Variants in DNAH9 observed in about 807,000 individuals in gnomAD.
DNAH9 encodes the protein DNAH9 variant protein.
A neutral mutation model predicts 471.6 loss-of-function variants in DNAH9; 345 were observed. That is an observed-to-expected ratio of 0.73 (90% CI 0.67 to 0.80). The LOEUF is 0.80. DNAH9 is among the 30% of genes least tolerant of loss of function. The probability of loss-of-function intolerance (pLI) is 0.00; values close to 1 mark genes in which losing one functional copy is unlikely to be tolerated. For missense variants in DNAH9, 5,407 were observed against 5,609.2 expected (o/e 0.96, Z 1.15); for synonymous variants, 2,093 against 2,123.6 (o/e 0.99, Z 0.40).
intron 23 of DNAH9, among the ~76,000 whole-genome samples, chr17:11,700,463 C>A (rs189914122): frequency 2.6e-5 from 4 of 152,276 alleles, no homozygotes; most frequent in African/African-American, 9.6e-5. Flanking sequence ...ACCCCTTAAG[C>A]CTCCTTCCCA....
rs948526182 is a variant in DNAH9 at position 11,744,720 on chromosome 17, A to G, written c.6112-77A>G. 20 of 1,250,232 alleles carry G rather than the reference A, an allele frequency of 1.6e-5. No homozygotes were observed. The South Asian group carries it at 2.5e-4, about 16-fold the overall frequency. The allele number at this position is 1,250,232 out of a possible 1,614,324, so 77.4% of individuals were successfully genotyped here. ...AGAGGTGACCTAATGCTCATAGCAT[A>G]TCTATGATTCTGCAGACACTCACCC... On this transcript the variant is annotated intron_variant, in intron 30 of 68. Transcript: ENST00000262442.
At chr17:11,808,342 T>G (rs1395819409) in intron 44 of DNAH9, among the ~76,000 whole-genome samples, 4 of 152,192 alleles carry the variant, frequency 2.6e-5, no homozygotes, top group Non-Finnish European at 5.9e-5. Flanking sequence ...GGAGGCTGGA[T>G]GAGTACTCTG....
chr17:11,809,089 C>T (rs1969794671), intron 44 of DNAH9, among the ~76,000 whole-genome samples: 1 of 152,098 alleles, frequency 6.6e-6, no homozygotes, highest in Admixed American at 6.5e-5. Context: ...GGTTGATACA[C>T]CAAAGGAACT....
intron 31 of DNAH9, among the ~76,000 whole-genome samples, chr17:11,745,693 CCAT>C (rs2075513852): frequency 6.6e-6 from 1 of 152,096 alleles, no homozygotes; most frequent in Non-Finnish European, 1.5e-5. Flanking sequence ...AAAATGATAT[CCAT>C]CAAACAAGAA....
chr17:11,727,949 T>G, intron 28 of DNAH9, 27 bp downstream of exon 28: 1 of 1,451,340 alleles, frequency 6.9e-7, no homozygotes, highest in Non-Finnish European at 9.7e-7. Flanking sequence ...GGTGGGAGCC[T>G]TGTGGTCTTC....
chr17:11,663,432 A>G (rs1231507368), intron 14 of DNAH9, among the ~76,000 whole-genome samples: 1 of 152,186 alleles, frequency 6.6e-6, no homozygotes, highest in Non-Finnish European at 1.5e-5. Context: ...GTAGAAAGCC[A>G]GGTGGTGGTG....
chr17:11,746,342 A>G lies in DNAH9; in HGVS notation c.6400-1214A>G, dbSNP rs146124165. Among the ~76,000 whole-genome samples, 161 of 152,294 alleles carry G rather than the reference A, an allele frequency of 1.1e-3. 2 individuals carry two copies. In the East Asian group the frequency reaches 0.031, roughly 29 times the overall value. ...GTGGAGGGGAAATAAAGAGCTGCAG[A>G]CACCCTTTGTCTTCCTTGCACAGTG... On this transcript the variant is annotated intron_variant, in intron 31 of 68. Coordinates refer to ENST00000262442, the MANE Select transcript of DNAH9 (RefSeq NM_001372.4).
chr17:11,838,032 A>G (rs756970528), intron 49 of DNAH9, among the ~76,000 whole-genome samples: 37 of 152,268 alleles, frequency 2.4e-4, no homozygotes, highest in Non-Finnish European at 5.0e-4. Context: ...ATTAAGATAT[A>G]CAAGAAAGAA....
chr17:11,771,360 C>T (rs1271546636), intron 38 of DNAH9, among the ~76,000 whole-genome samples: 3 of 152,178 alleles, frequency 2.0e-5, no homozygotes, highest in Non-Finnish European at 4.4e-5. Flanking sequence ...AACTCCTGAC[C>T]TCAGGTGATC....
intron 38 of DNAH9, among the ~76,000 whole-genome samples, chr17:11,771,124 C>G (rs1873316083): frequency 1.3e-5 from 2 of 151,842 alleles, no homozygotes; most frequent in African/African-American, 2.4e-5. Flanking sequence ...TTATCTATAC[C>G]TATTTATTTA....
In DNAH9 at chr17:11,834,790, C is replaced by T. The variant is rs912924478; in HGVS notation, c.9399C>T (p.Ala3133=). ...AMADEEEQKV[A]VIMLEVKQKQ... ...CAGATGAAGAGGAGCAGAAGGTGGC[C>T]GTCATCATGCTAGAGGTGAAACAGA... Residue 3133 remains alanine (A), a synonymous_variant, in exon 49 of 69, where the codon GCC becomes GCT. Coordinates refer to ENST00000262442, the MANE Select transcript of DNAH9 (RefSeq NM_001372.4). The T allele has an allele frequency of 6.8e-6, 11 of 1,613,884 alleles. No homozygotes were observed. The highest frequency in any genetic ancestry group is 2.7e-5 in the African/African-American group (2 of 74,882).
At chr17:11,954,626 G>A (rs1279346574) in intron 67 of DNAH9, among the ~76,000 whole-genome samples, 1 of 151,938 alleles carries the variant, frequency 6.6e-6, no homozygotes, top group East Asian at 1.9e-4. Context: ...GATGTTTTCA[G>A]ACAACTGAAA....
intron 22 of DNAH9, 142 bp downstream of exon 22, chr17:11,694,589 A>C: frequency 1.5e-6 from 1 of 686,888 alleles, no homozygotes. Context: ...CAGCATCATC[A>C]CATACCTCGG....
chr17:11,937,270 CT>C lies in DNAH9; in HGVS notation c.12490-81del. The C allele has an allele frequency of 1.3e-6, 2 of 1,505,154 alleles. No individual in the cohort carries two copies. The highest frequency in any genetic ancestry group is 1.8e-6 in the Non-Finnish European group (2 of 1,115,812). The allele number at this position is 1,505,154 out of a possible 1,614,324, so 93.2% of individuals were successfully genotyped here. A position where few individuals can be genotyped will look rare whatever the true frequency, so the allele number is the denominator to read the frequency against. ...TGGAGGAGGGATACTAGCCCATGGA[CT>C]CCCTGCAGAGGACAAGCCGGTGTGG... is the stretch of plus-strand genomic sequence containing the variant. On this transcript the variant is annotated intron_variant, in intron 65 of 68. Coordinates refer to ENST00000262442, the MANE Select transcript of DNAH9 (RefSeq NM_001372.4). The surrounding 1 kb of genome is among the most constrained non-coding windows in gnomAD (Gnocchi z 4.1).
At chr17:11,619,903 T>C in intron 6 of DNAH9, 122 bp downstream of exon 6, 1 of 639,882 alleles carries the variant, frequency 1.6e-6, no homozygotes, top group Non-Finnish European at 2.8e-6. Context: ...TCAGCTGGAA[T>C]AATCCATAAT....
intron 67 of DNAH9, among the ~76,000 whole-genome samples, chr17:11,946,601 T>C (rs1344326775): frequency 1.3e-5 from 2 of 148,308 alleles, no homozygotes; most frequent in African/African-American, 5.0e-5. Flanking sequence ...GAGGCGGAGC[T>C]TGCAGTGAGC....
At chr17:11,684,644 A>G (rs1426954635) in intron 19 of DNAH9, among the ~76,000 whole-genome samples, 1 of 152,164 alleles carries the variant, frequency 6.6e-6, no homozygotes, top group Non-Finnish European at 1.5e-5. Flanking sequence ...TACTGAGCCA[A>G]AATAATCTAC....
chr17:11,893,544 A>G (rs1239175846), intron 58 of DNAH9, among the ~76,000 whole-genome samples: 2 of 152,216 alleles, frequency 1.3e-5, no homozygotes, highest in Non-Finnish European at 2.9e-5. Context: ...CATAAAAAAG[A>G]ACAAGTTCAT....
chr17:11,901,308 C>T (rs1002808819), intron 59 of DNAH9, among the ~76,000 whole-genome samples: 2 of 152,190 alleles, frequency 1.3e-5, no homozygotes, highest in Non-Finnish European at 2.9e-5. Context: ...AAGATGTCAA[C>T]TCTGCAAGTA....
Sources: gnomAD v4.1 joint callset for allele counts (sites outside exome capture counted in the v4.1 genomes callset) on GRCh38, gnomAD v4.1.1 for gene constraint, Gnocchi (gnomAD v3.1) non-coding constraint, MANE v1.5 for transcripts, NCBI Gene and HGNC (gene_info 2026-07-23, HGNC 2026-07-21) for gene names.